FMN1: variants seen among roughly 807,000 people sequenced by gnomAD.
FMN1 encodes formin 1.
In FMN1, 110 loss-of-function variants were observed where a neutral mutation model predicts 132.4. The ratio of observed to expected loss-of-function variants is 0.83; its 90% CI spans 0.71 to 0.97. The LOEUF (loss-of-function observed/expected upper bound fraction) is 0.97. Among genes scored for constraint, FMN1 ranks in the 50% least tolerant of loss-of-function variants. FMN1 has a pLI of 0.00. For missense variants in FMN1, 1,792 were observed against 1,705.3 expected (o/e 1.05, Z -0.90); for synonymous variants, 722 against 651.7 (o/e 1.11, Z -1.64).
At chr15:32,795,055 C>T (rs2057235318) in intron 19 of FMN1, among the ~76,000 whole-genome samples, 1 of 151,984 alleles carries the variant, frequency 6.6e-6, no homozygotes, top group East Asian at 1.9e-4. Context: ...ATAAAATTAG[C>T]TAGGTATGGT....
intron 4 of FMN1, among the ~76,000 whole-genome samples, chr15:33,090,639 CA>C (rs1165475571): frequency 5.3e-5 from 8 of 150,830 alleles, no homozygotes; most frequent in Admixed American, 2.0e-4. Context: ...TCCCTTAGAA[CA>C]AAGTGCCTTT....
intron 3 of FMN1, among the ~76,000 whole-genome samples, chr15:33,156,260 T>C (rs1040593201): frequency 6.7e-6 from 1 of 149,270 alleles, no homozygotes; most frequent in South Asian, 2.1e-4. Context: ...ATGGGGCTGT[T>C]CTCACTCAAG....
At chr15:33,066,597 T>C in intron 5 of FMN1, 1 of 1,613,670 alleles carries the variant, frequency 6.2e-7, no homozygotes, top group Non-Finnish European at 8.5e-7. Context: ...TGTCTCATCT[T>C]GCGCTTGAGA....
chr15:32,814,577 T>C (rs1396120961), intron 17 of FMN1, among the ~76,000 whole-genome samples: 1 of 152,228 alleles, frequency 6.6e-6, no homozygotes, highest in Non-Finnish European at 1.5e-5. Context: ...TCTTGCATTT[T>C]GTTTCATCAA....
At chr15:32,789,955 G>C (rs1339154393) in intron 19 of FMN1, among the ~76,000 whole-genome samples, 1 of 152,154 alleles carries the variant, frequency 6.6e-6, no homozygotes, top group East Asian at 1.9e-4. Flanking sequence ...CACCATCTAG[G>C]TTTGTGTAAG....
intron 13 of FMN1, among the ~76,000 whole-genome samples, chr15:32,900,533 A>T (rs1200954225): frequency 6.6e-6 from 1 of 152,194 alleles, no homozygotes; most frequent in Admixed American, 6.5e-5. Context: ...AGGACTATTT[A>T]TCTAGATAAC....
In FMN1 at chr15:32,839,071, G is replaced by A. The variant is rs1029780981; in HGVS notation, c.3928+17944C>T. 2.0e-5 allele frequency among the ~76,000 whole-genome samples: 3 copies of A among 152,246 alleles called. No individual in the cohort carries two copies. The East Asian group carries it at 5.8e-4, about 29-fold the overall frequency. ...CCTTGAAACGGGACCAAACTGGGAGGAGCCTGTCACATGGGACAGAGGAGG... is the reference window on the plus strand; with the variant it reads ...CCTTGAAACGGGACCAAACTGGGAGAAGCCTGTCACATGGGACAGAGGAGG... On this transcript the variant is annotated intron_variant, in intron 17 of 20. Transcript: ENST00000616417.
intron 4 of FMN1, among the ~76,000 whole-genome samples, chr15:33,094,834 T>G (rs981217925): frequency 2.0e-5 from 3 of 152,198 alleles, no homozygotes; most frequent in African/African-American, 7.2e-5. Flanking sequence ...ACTGGATATT[T>G]TAACACTTGA....
chr15:33,127,735 G>T (rs746298761), intron 4 of FMN1, among the ~76,000 whole-genome samples: 3 of 152,180 alleles, frequency 2.0e-5, no homozygotes, highest in Non-Finnish European at 4.4e-5. Context: ...AGGTTATATT[G>T]TAATGATAGG....
chr15:33,054,741 A>G (rs1289155785), intron 6 of FMN1, among the ~76,000 whole-genome samples: 1 of 152,230 alleles, frequency 6.6e-6, no homozygotes, highest in Non-Finnish European at 1.5e-5. Context: ...CAGCTTCCGG[A>G]AAATGCAGGC....
chr15:32,919,116 G>A (rs1056612913), intron 10 of FMN1, among the ~76,000 whole-genome samples: 2 of 152,164 alleles, frequency 1.3e-5, no homozygotes, highest in Admixed American at 6.6e-5. Context: ...TCTTTCAGAC[G>A]TGGCATGCTC....
chr15:32,831,008 C>T lies in FMN1; in HGVS notation c.3928+26007G>A, dbSNP rs181499255. Among the ~76,000 whole-genome samples, 411 of 152,264 alleles carry T rather than the reference C, an allele frequency of 2.7e-3. 3 individuals carry two copies. The highest frequency in any genetic ancestry group is 9.6e-3 in the African/African-American group (397 of 41,540). ...CTTACTCAACCACTCTAGTCCAAGG[C>T]ACCAAACCCCCATGCTGGATTCTTA... is the stretch of plus-strand genomic sequence containing the variant. On this transcript the variant is annotated intron_variant, in intron 17 of 20. Transcript: ENST00000616417.
intron 5 of FMN1, among the ~76,000 whole-genome samples, chr15:33,077,159 G>A (rs1445540977): frequency 1.3e-5 from 2 of 152,068 alleles, no homozygotes; most frequent in Non-Finnish European, 2.9e-5. Context: ...GCCCCGAGTA[G>A]CTGGGACCAC....
intron 7 of FMN1, among the ~76,000 whole-genome samples, chr15:32,979,791 C>T (rs934734339): frequency 6.6e-6 from 1 of 152,098 alleles, no homozygotes; most frequent in Non-Finnish European, 1.5e-5. Context: ...CAAAAGCATA[C>T]CAAAGTCATT....
intron 16 of FMN1, among the ~76,000 whole-genome samples, chr15:32,884,916 T>C (rs2059858996): frequency 6.6e-6 from 1 of 152,234 alleles, no homozygotes; most frequent in Non-Finnish European, 1.5e-5. Flanking sequence ...CGGCTGATTA[T>C]ACAGGCTGTG....
chr15:32,918,909 T>A (rs1041369592), intron 10 of FMN1, among the ~76,000 whole-genome samples: 1 of 152,158 alleles, frequency 6.6e-6, no homozygotes, highest in Non-Finnish European at 1.5e-5. Context: ...GGAGCCCCGC[T>A]GCTTAGGTGT....
chr15:32,992,314 A>T (rs2033484129), intron 7 of FMN1, among the ~76,000 whole-genome samples: 1 of 152,230 alleles, frequency 6.6e-6, no homozygotes, highest in Non-Finnish European at 1.5e-5. Context: ...GCATGCTGAA[A>T]ATAAAGTATC....
chr15:32,939,990 C>T (rs914306463), intron 9 of FMN1, among the ~76,000 whole-genome samples: 2 of 152,146 alleles, frequency 1.3e-5, no homozygotes, highest in Non-Finnish European at 2.9e-5. Flanking sequence ...TTATTAAGCA[C>T]CAACCCACTC....
rs998850427 is a variant in FMN1 at position 33,154,704 on chromosome 15, C to A, written c.211G>T (p.Gly71Cys). 1.3e-6 allele frequency: 2 copies of A among 1,535,978 alleles called. No individual in the cohort carries two copies. The highest frequency in any genetic ancestry group is 1.4e-5 in the African/African-American group (1 of 73,016). ...SLSQEPDEHPGDIFFKQTPTK... is the reference protein window; with the variant it reads ...SLSQEPDEHPCDIFFKQTPTK... ...GGAGTCTGCTTGAAAAATATGTCGC[C>A]TGGATGTTCGTCCGGCTCCTGGCTG... Residue 71 changes from glycine to cysteine, a missense_variant, in exon 4 of 21, where the codon GGC becomes TGC. This residue lies in a region of FMN1 where 638 missense variants were observed against 645.2 expected (regional missense o/e 0.99). Coordinates refer to ENST00000616417, the MANE Select transcript of FMN1 (RefSeq NM_001277313.2).
Sources: gnomAD v4.1 joint callset for allele counts (sites outside exome capture counted in the v4.1 genomes callset) on GRCh38, gnomAD v4.1.1 for gene constraint, gnomAD v4.1.1 regional missense constraint, MANE v1.5 for transcripts, NCBI Gene and HGNC (gene_info 2026-07-23, HGNC 2026-07-21) for gene names.